P2RY6: variants seen among roughly 807,000 people sequenced by gnomAD.
P2RY6 encodes P2Y purinoceptor 6.
P2RY6 carries 19 observed loss-of-function variants against 16.3 expected under a neutral mutation model. The observed-to-expected ratio is 1.16, with a 90% confidence interval of 0.81 to 1.71. The LOEUF is 1.71. P2RY6 is among the 40% of genes most tolerant of loss of function. The probability of loss-of-function intolerance (pLI) is 0.00; values close to 1 mark genes in which losing one functional copy is unlikely to be tolerated. For synonymous variants in P2RY6, 184 were observed against 201.5 expected (o/e 0.91, Z 0.74); for missense variants, 389 against 455.5 (o/e 0.85, Z 1.33).
At chr11:73,289,691 C>G (rs755802379) in intron 1 of P2RY6, among the ~76,000 whole-genome samples, 1 of 152,214 alleles carries the variant, frequency 6.6e-6, no homozygotes, top group African/African-American at 2.4e-5. Flanking sequence ...AGACCTAACT[C>G]CCCTGGGAAT....
chr11:73,293,444 C>T lies in P2RY6; in HGVS notation c.-120-2286C>T, dbSNP rs542963694. Reference sequence around the variant, plus strand: ...TCAGAGCCACTTGTTAGCAAGCCCCCCACCATGGGCAGAGTCCAGCCCAGG... The same window carrying T: ...TCAGAGCCACTTGTTAGCAAGCCCCTCACCATGGGCAGAGTCCAGCCCAGG... On this transcript the variant is annotated intron_variant, in intron 1 of 2. Transcript: ENST00000540124. Among the ~76,000 whole-genome samples the T allele has an allele frequency of 3.8e-3, 577 of 152,308 alleles. 15 individuals carry two copies. In the East Asian group the frequency reaches 0.061, roughly 16 times the overall value.
intron 1 of P2RY6, among the ~76,000 whole-genome samples, chr11:73,287,822 T>C (rs1192167115): frequency 2.0e-5 from 3 of 152,220 alleles, no homozygotes; most frequent in African/African-American, 7.2e-5. Flanking sequence ...TAGGAGGCCC[T>C]GGGGATCTCC....
chr11:73,282,456 C>A (rs772093541), intron 1 of P2RY6, among the ~76,000 whole-genome samples: 29 of 152,216 alleles, frequency 1.9e-4, no homozygotes, highest in Non-Finnish European at 4.0e-4. Context: ...TTACCTCCTG[C>A]AAGGCCCCTC....
chr11:73,292,192 C>T (rs770965041), intron 1 of P2RY6, among the ~76,000 whole-genome samples: 2 of 152,222 alleles, frequency 1.3e-5, no homozygotes, highest in Non-Finnish European at 2.9e-5. Context: ...CTGCGCCTGC[C>T]GTGTGGAAGG....
intron 1 of P2RY6, among the ~76,000 whole-genome samples, chr11:73,283,030 C>T (rs754250984): frequency 3.9e-5 from 6 of 152,234 alleles, no homozygotes; most frequent in South Asian, 4.1e-4. Context: ...AGAGTCAGGA[C>T]GGGAACCCCC....
At chr11:73,285,966 G>T (rs768235368) in intron 1 of P2RY6, among the ~76,000 whole-genome samples, 4 of 152,214 alleles carry the variant, frequency 2.6e-5, no homozygotes, top group Non-Finnish European at 5.9e-5. Context: ...GACAGATCTT[G>T]GGGCTTGGTG....
In P2RY6 at chr11:73,297,606, C is replaced by A; in HGVS notation, c.*101C>A. On this transcript the variant is annotated 3_prime_UTR_variant, in exon 3 of 3. Transcript: ENST00000540124. ...TGCGGAGAATTAGAGTTCAGCTCAG[C>A]TGGGCATGGAGTTAAGATCCCTCAC... 2.1e-6 allele frequency: 2 copies of A among 936,888 alleles called. No individual in the cohort carries two copies. The highest frequency in any genetic ancestry group is 3.2e-6 in the Non-Finnish European group (2 of 618,270). The allele number at this position is 936,888 out of a possible 1,614,324, so 58.0% of individuals were successfully genotyped here.
chr11:73,297,136 T>G lies in P2RY6; in HGVS notation c.618T>G (p.Ala206=). 6.2e-7 allele frequency: 1 copy of G among 1,604,884 alleles called. No homozygotes were observed. Among genetic ancestry groups the G allele is most frequent in the Non-Finnish European group, 8.5e-7 (1 of 1,179,928 alleles). Residue 206 remains alanine (A), a synonymous_variant, in exon 3 of 3, where the codon GCT becomes GCG. Transcript: ENST00000540124. The part of the protein sequence containing the change: ...LTVIGFLLPF[A]ALLACYCLLA... Reference sequence around the variant, plus strand: ...TCATCGGCTTCCTGCTGCCCTTTGCTGCCCTGCTGGCCTGCTACTGTCTCC... The same window carrying G: ...TCATCGGCTTCCTGCTGCCCTTTGCGGCCCTGCTGGCCTGCTACTGTCTCC...
At position 73,288,993 on chromosome 11, in the gene P2RY6, C is replaced by T. The variant is rs557428618; in HGVS notation, c.-120-6737C>T. Among the ~76,000 whole-genome samples the T allele has an allele frequency of 1.2e-3, 190 of 152,384 alleles. 1 individual carries two copies. Among genetic ancestry groups the T allele is most frequent in the Non-Finnish European group, 7.9e-4 (54 of 68,034 alleles). On this transcript the variant is annotated intron_variant, in intron 1 of 2. Coordinates refer to ENST00000540124, the MANE Select transcript of P2RY6 (RefSeq NM_001277204.2). ...TCTTCCACATCCAGCCTGGTCTGAG[C>T]TGGTTCCTGCCTCAGCTGGCTGGCA...
chr11:73,267,993 A>G (rs12790447), upstream of P2RY6, among the ~76,000 whole-genome samples: 28,147 of 152,262 alleles, frequency 0.18, 2,923 homozygotes, highest in African/African-American at 0.28. Context: ...CTAAGCTAGA[A>G]CACTATGTAA....
intron 1 of P2RY6, among the ~76,000 whole-genome samples, chr11:73,283,872 A>G (rs1304679138): frequency 1.3e-5 from 2 of 151,948 alleles, no homozygotes; most frequent in African/African-American, 4.8e-5. Flanking sequence ...GGGGAGTGGG[A>G]AGTGTTTGGG....
chr11:73,272,726 C>T (rs1235186977), intron 1 of P2RY6, among the ~76,000 whole-genome samples: 1 of 152,212 alleles, frequency 6.6e-6, no homozygotes, highest in African/African-American at 2.4e-5. Flanking sequence ...CTGCGCCGTG[C>T]CTTGCTGGAG....
Position 73,296,662 on chromosome 11 carries a change from T to C in P2RY6, c.144T>C (p.Ile48=). Residue 48 remains isoleucine (I), a synonymous_variant, in exon 3 of 3, where the codon ATT becomes ATC. Transcript: ENST00000540124. ...AAGLPLNICV[I]TQICTSRRAL... ...GCCTGCCGCTGAACATCTGTGTCATTACCCAGATCTGCACGTCCCGCCGGG... is the reference window on the plus strand; with the variant it reads ...GCCTGCCGCTGAACATCTGTGTCATCACCCAGATCTGCACGTCCCGCCGGG... 1 of 1,614,120 alleles carries C rather than the reference T, an allele frequency of 6.2e-7. No homozygotes were observed. The highest frequency in any genetic ancestry group is 8.5e-7 in the Non-Finnish European group (1 of 1,180,006).
rs762286647 is a variant in P2RY6, at chr11:73,296,629, G to A, written c.111G>A (p.Leu37=). The A allele has an allele frequency of 6.2e-7, 1 of 1,614,086 alleles. No individual in the cohort carries two copies. Among genetic ancestry groups the A allele is most frequent in the Non-Finnish European group, 8.5e-7 (1 of 1,180,040 alleles). ...LLLPPVYSAV[L]AAGLPLNICV... ...TGCCACCTGTGTATTCGGCGGTGCT[G>A]GCGGCTGGCCTGCCGCTGAACATCT... The change falls in exon 3 of 3, where the codon CTG becomes CTA. Residue 37 remains leucine, a synonymous_variant. Coordinates refer to ENST00000540124, the MANE Select transcript of P2RY6 (RefSeq NM_001277204.2).
At chr11:73,269,091 G>A (rs1291162901), upstream of P2RY6, among the ~76,000 whole-genome samples, 1 of 152,200 alleles carries the variant, frequency 6.6e-6, no homozygotes, top group East Asian at 1.9e-4. Context: ...GCAGGGCCTC[G>A]GGGGTAGGAC....
chr11:73,271,813 C>T (rs944652280), upstream of P2RY6: 2 of 152,144 alleles, frequency 1.3e-5, no homozygotes, highest in African/African-American at 4.8e-5. Context: ...CCCTCAGTGC[C>T]ATCCTCATCC....
chr11:73,278,598 T>C (rs1863636765), intron 1 of P2RY6, among the ~76,000 whole-genome samples: 1 of 152,182 alleles, frequency 6.6e-6, no homozygotes, highest in South Asian at 2.1e-4. Flanking sequence ...TCTAGGTACC[T>C]TATATAAGTG....
intron 1 of P2RY6, among the ~76,000 whole-genome samples, chr11:73,284,612 T>C (rs1863894551): frequency 6.6e-6 from 1 of 152,214 alleles, no homozygotes; most frequent in African/African-American, 2.4e-5. Flanking sequence ...GTTTAATCTC[T>C]ATCTGCTCCC....
At chr11:73,290,489 T>C (rs1388719419) in intron 1 of P2RY6, among the ~76,000 whole-genome samples, 1 of 152,244 alleles carries the variant, frequency 6.6e-6, no homozygotes, top group Non-Finnish European at 1.5e-5. Context: ...GGCTCTGCCT[T>C]GGAGGTTCAT....
Sources: allele counts gnomAD v4.1 joint callset (sites outside exome capture counted in the v4.1 genomes callset), GRCh38; gene constraint gnomAD v4.1.1; transcripts MANE v1.5; gene names NCBI Gene and HGNC (gene_info 2026-07-23, HGNC 2026-07-21).